SMAD2: variants seen among roughly 807,000 people sequenced by gnomAD.
SMAD2 encodes MAD homolog 2.
SMAD2 carries 8 observed loss-of-function variants against 64.4 expected under a neutral mutation model. That is an observed-to-expected ratio of 0.12 (90% confidence interval 0.07 to 0.22). SMAD2 has a LOEUF of 0.22. Ranked by LOEUF, SMAD2 falls within the 10% of genes least tolerant of loss-of-function variation. The probability of loss-of-function intolerance (pLI) is 1.00; values close to 1 mark genes in which losing one functional copy is unlikely to be tolerated. For synonymous variants in SMAD2, 203 were observed against 195.8 expected (o/e 1.04, Z -0.31); for missense variants, 289 against 561.2 (o/e 0.51, Z 4.90).
chr18:47,928,477 G>C (rs141649431), intron 1 of SMAD2, among the ~76,000 whole-genome samples: 2 of 152,200 alleles, frequency 1.3e-5, no homozygotes, highest in Non-Finnish European at 1.5e-5. Context: ...CCATCTTGAA[G>C]TAGAATAGAA....
intron 4 of SMAD2, among the ~76,000 whole-genome samples, chr18:47,868,973 C>T (rs2031763940): frequency 6.6e-6 from 1 of 152,188 alleles, no homozygotes; most frequent in African/African-American, 2.4e-5. Context: ...AGAAGCACAT[C>T]AGCATAGCGC....
chr18:47,919,468 ATACACACACACAC>A (rs1568116807), intron 1 of SMAD2, among the ~76,000 whole-genome samples: 3 of 77,350 alleles, frequency 3.9e-5, no homozygotes, highest in Non-Finnish European at 7.7e-5. Context: ...AAAAAAAAAA[ATACACACACACAC>A]ACACACACAC....
At chr18:47,876,777 A>G (rs75470557) in intron 2 of SMAD2, among the ~76,000 whole-genome samples, 229 of 152,214 alleles carry the variant, frequency 1.5e-3, no homozygotes, top group African/African-American at 5.4e-3. Flanking sequence ...TTAAAATTTA[A>G]TATCTAGTGT....
intron 1 of SMAD2, among the ~76,000 whole-genome samples, chr18:47,928,328 T>C (rs144087469): frequency 1.8e-4 from 27 of 152,300 alleles, no homozygotes; most frequent in African/African-American, 6.5e-4. Context: ...AAAAATTCAA[T>C]AGGTCTTTGG....
rs1387461544 is a variant in SMAD2 at position 47,836,200 on chromosome 18, C to T, written c.*5627G>A. On this transcript the variant is annotated 3_prime_UTR_variant, in exon 11 of 11. Transcript: ENST00000262160. ...GCTGTAAGATACTAGAAAATTTGAC[C>T]TTGTAGTAGTATTTCCCAGGGTAAC... 1 of 222,608 alleles carries T rather than the reference C, an allele frequency of 4.5e-6. No individual in the cohort carries two copies. Among genetic ancestry groups the T allele is most frequent in the Non-Finnish European group, 9.0e-6 (1 of 111,512 alleles). The allele number at this position is 222,608 out of a possible 1,614,324, so 13.8% of individuals were successfully genotyped here.
Position 47,896,524 on chromosome 18 carries a change from G to C in SMAD2, c.233C>G (p.Pro78Arg). The change falls in exon 2 of 11, where the codon CCA (proline) becomes CGA (arginine). Residue 78 changes from proline to arginine, a missense_variant. By Grantham distance (103) the Pro-to-Arg change is moderately radical. Coordinates refer to ENST00000262160, the MANE Select transcript of SMAD2 (RefSeq NM_005901.6). Reference sequence around the variant, plus strand: ...CCTGGGATCTAACAAAACTTACCTTGGTATGGTAACACATTTAGTATTACA... The same window carrying C: ...CCTGGGATCTAACAAAACTTACCTTCGTATGGTAACACATTTAGTATTACA... ...QNCNTKCVTI[P>R]STCSEIWGLS... 1 of 1,613,704 alleles carries C rather than the reference G, an allele frequency of 6.2e-7. No individual in the cohort carries two copies. Among genetic ancestry groups the C allele is most frequent in the Non-Finnish European group, 8.5e-7 (1 of 1,179,628 alleles).
rs1912220525 is a variant in SMAD2, at chr18:47,811,968, A to C, written c.*29859T>G. On this transcript the variant is annotated 3_prime_UTR_variant, in exon 11 of 11. Transcript: ENST00000262160. ...AAAGTGATTTTAGCCTCTGACCTCAAGGTGCTTGTATTAGTCTGTTCTCAC... is the reference window on the plus strand; with the variant it reads ...AAAGTGATTTTAGCCTCTGACCTCACGGTGCTTGTATTAGTCTGTTCTCAC... The C allele has an allele frequency of 6.6e-6, 1 of 152,218 alleles. No homozygotes were observed. Among genetic ancestry groups the C allele is most frequent in the Non-Finnish European group, 1.5e-5 (1 of 68,054 alleles). The allele number at this position is 152,218 out of a possible 1,614,324, so 9.4% of individuals were successfully genotyped here. A position where few individuals can be genotyped will look rare whatever the true frequency, so the allele number is the denominator to read the frequency against.
chr18:47,858,743 G>A (rs985398111), intron 6 of SMAD2, among the ~76,000 whole-genome samples: 8 of 152,040 alleles, frequency 5.3e-5, no homozygotes, highest in African/African-American at 1.2e-4. Flanking sequence ...ATGTAATCAC[G>A]AGAATGCCAA....
At chr18:47,852,937 ATATTT>A (rs1416630803) in intron 6 of SMAD2, among the ~76,000 whole-genome samples, 14 of 152,160 alleles carry the variant, frequency 9.2e-5, no homozygotes, top group South Asian at 8.3e-4. Context: ...AATATAAAAT[ATATTT>A]TCTTTTATGA....
rs1236522263 is a variant in SMAD2, at chr18:47,826,168, C to T, written c.*15659G>A. ...ATGTATATTAGATTAGGCTTCTACT[C>T]AATGCTCTGTAAGTTAAAACATTTC... is the stretch of plus-strand genomic sequence containing the variant. On this transcript the variant is annotated 3_prime_UTR_variant, in exon 11 of 11. Coordinates refer to ENST00000262160, the MANE Select transcript of SMAD2 (RefSeq NM_005901.6). The T allele has an allele frequency of 6.6e-6, 1 of 152,198 alleles. No individual in the cohort carries two copies. Among genetic ancestry groups the T allele is most frequent in the East Asian group, 1.9e-4 (1 of 5,190 alleles). 9.4% of individuals were successfully genotyped at this position (152,198 alleles called of 1,614,324 possible).
Position 47,851,264 on chromosome 18 carries a change from T to C in SMAD2, c.784+10A>G, listed in dbSNP as rs1232261850. 2 of 1,590,864 alleles carry C rather than the reference T, an allele frequency of 1.3e-6. No homozygotes were observed. The highest frequency in any genetic ancestry group is 1.7e-6 in the Non-Finnish European group (2 of 1,159,492). The stretch of plus-strand genomic sequence containing the variant: ...ATAAAAATGATGAGGGGAACATATG[T>C]GCAACTTACCCAAGCTATGATTAAC... On this transcript the variant is annotated intron_variant, in intron 7 of 10. Coordinates refer to ENST00000262160, the MANE Select transcript of SMAD2 (RefSeq NM_005901.6).
Position 47,836,425 on chromosome 18 carries a change from T to C in SMAD2, c.*5402A>G, listed in dbSNP as rs16958509. On this transcript the variant is annotated 3_prime_UTR_variant, in exon 11 of 11. Transcript: ENST00000262160. ...TCTTAGTTACCAAGTTGCCAAAAAATGGTATATTAAATGAACTGCCAAATG... is the reference window on the plus strand; with the variant it reads ...TCTTAGTTACCAAGTTGCCAAAAAACGGTATATTAAATGAACTGCCAAATG... 0.053 allele frequency: 11,794 copies of C among 221,020 alleles called. 1,026 individuals are homozygous for C. The highest frequency in any genetic ancestry group is 0.24 in the East Asian group (3,619 of 14,988). 13.7% of individuals were successfully genotyped at this position (221,020 alleles called of 1,614,324 possible). A position where few individuals can be genotyped will look rare whatever the true frequency, so the allele number is the denominator to read the frequency against.
intron 1 of SMAD2, among the ~76,000 whole-genome samples, chr18:47,901,362 C>T (rs751455549): frequency 1.3e-5 from 2 of 151,966 alleles, no homozygotes; most frequent in Non-Finnish European, 2.9e-5. Context: ...TATACCTTTT[C>T]GCATCATTTT....
chr18:47,841,281 A>T lies in SMAD2; in HGVS notation c.*546T>A, dbSNP rs1913928496. 4.3e-6 allele frequency: 1 copy of T among 233,658 alleles called. No homozygotes were observed. 14.5% of individuals were successfully genotyped at this position (233,658 alleles called of 1,614,324 possible). A position where few individuals can be genotyped will look rare whatever the true frequency, so the allele number is the denominator to read the frequency against. ...AGAGTTTATTTTTGGTAAAAGGCAG[A>T]AAAATTAGTTTTTCTACAGGAAAAT... On this transcript the variant is annotated 3_prime_UTR_variant, in exon 11 of 11. Transcript: ENST00000262160.
intron 1 of SMAD2, among the ~76,000 whole-genome samples, chr18:47,926,494 A>G (rs941807097): frequency 6.6e-6 from 1 of 152,120 alleles, no homozygotes; most frequent in Non-Finnish European, 1.5e-5. Context: ...ACACTAGGCT[A>G]ACATCCTACT....
chr18:47,903,244 G>A (rs1411982218), intron 1 of SMAD2, among the ~76,000 whole-genome samples: 2 of 152,080 alleles, frequency 1.3e-5, no homozygotes, highest in African/African-American at 2.4e-5. Flanking sequence ...TTGATCTACC[G>A]AGGCTGAAAT....
At chr18:47,916,756 A>T (rs1478449303) in intron 1 of SMAD2, among the ~76,000 whole-genome samples, 1 of 152,208 alleles carries the variant, frequency 6.6e-6, no homozygotes, top group Non-Finnish European at 1.5e-5. Flanking sequence ...TCTAATTCTT[A>T]TTAAGCCAAC....
rs1436993675 is a variant in SMAD2, at chr18:47,817,935, G to C, written c.*23892C>G. ...ATTTTCTTTGCTCTTAAGAGATTGA[G>C]AAGAAACAAAATGGAAATTCTCAAA... On this transcript the variant is annotated 3_prime_UTR_variant, in exon 11 of 11. Coordinates refer to ENST00000262160, the MANE Select transcript of SMAD2 (RefSeq NM_005901.6). 3 of 152,232 alleles carry C rather than the reference G, an allele frequency of 2.0e-5. No individual in the cohort carries two copies. Among genetic ancestry groups the C allele is most frequent in the African/African-American group, 7.2e-5 (3 of 41,468 alleles). The allele number at this position is 152,232 out of a possible 1,614,324, so 9.4% of individuals were successfully genotyped here.
chr18:47,908,946 C>G (rs2034014146), intron 1 of SMAD2, among the ~76,000 whole-genome samples: 1 of 151,888 alleles, frequency 6.6e-6, no homozygotes, highest in Non-Finnish European at 1.5e-5. Context: ...TCCCAAGAAG[C>G]AGAGAAAAAT....
Sources: allele counts gnomAD v4.1 joint callset (sites outside exome capture counted in the v4.1 genomes callset), GRCh38; gene constraint gnomAD v4.1.1; transcripts MANE v1.5; gene names NCBI Gene and HGNC (gene_info 2026-07-23, HGNC 2026-07-21).